KIAA0319L: variants seen among roughly 807,000 people sequenced by gnomAD.
KIAA0319L encodes KIAA0319 like.
In KIAA0319L, 55 loss-of-function variants were observed where a neutral mutation model predicts 120.1. The observed-to-expected ratio is 0.46, with a 90% CI of 0.37 to 0.57. The LOEUF (loss-of-function observed/expected upper bound fraction) is 0.57. KIAA0319L is among the 20% of genes least tolerant of loss of function. The pLI is 0.00. For missense variants in KIAA0319L, 1,049 were observed against 1,255.3 expected (o/e 0.84, Z 2.48); for synonymous variants, 398 against 471.9 (o/e 0.84, Z 2.03).
chr1:35,443,116 C>T (rs945677750), intron 17 of KIAA0319L, 88 bp from the exon 18 acceptor site: 6 of 1,509,572 alleles, frequency 4.0e-6, no homozygotes, highest in South Asian at 1.2e-5. Context: ...CACCAAAGCA[C>T]CCCAGATTAA....
At chr1:35,465,224 C>T (rs1643175561) in intron 7 of KIAA0319L, among the ~76,000 whole-genome samples, 1 of 152,208 alleles carries the variant, frequency 6.6e-6, no homozygotes, top group Admixed American at 6.5e-5. Flanking sequence ...ACACTCAACG[C>T]CAGGCTGTGA....
chr1:35,460,442 A>G lies in KIAA0319L; in HGVS notation c.1295-5T>C, dbSNP rs749466375. ...TTTTATCATCATCAGTGCTTTCTTG[A>G]CCATAAAGAAACATCAGTTACAACA... On this transcript the variant is annotated splice_polypyrimidine_tract_variant and splice_region_variant and intron_variant, in intron 8 of 20. Coordinates refer to ENST00000325722, the MANE Select transcript of KIAA0319L (RefSeq NM_024874.5). 6 of 1,611,128 alleles carry G rather than the reference A, an allele frequency of 3.7e-6. No homozygotes were observed.
chr1:35,512,804 G>A (rs1332551633), intron 2 of KIAA0319L, among the ~76,000 whole-genome samples: 2 of 150,206 alleles, frequency 1.3e-5, no homozygotes, highest in Non-Finnish European at 1.5e-5. Context: ...CCCAGGAGGT[G>A]GAGGTTGCAG....
chr1:35,463,290 G>A (rs537900653), intron 7 of KIAA0319L, among the ~76,000 whole-genome samples: 1 of 152,300 alleles, frequency 6.6e-6, no homozygotes, highest in South Asian at 2.1e-4. Flanking sequence ...CTAAGACCAT[G>A]CCCTGTGTAT....
rs56097702 is a variant in KIAA0319L at position 35,437,293 on chromosome 1, G to A, written c.2963-2212C>T. ...CCCTCCTGCCTCAGAAGAGGCATCT[G>A]AACTCCATGCTCCCTTTCTCTCCTC... On this transcript the variant is annotated intron_variant, in intron 20 of 20. Coordinates refer to ENST00000325722, the MANE Select transcript of KIAA0319L (RefSeq NM_024874.5). The surrounding 1 kb of genome is among the most constrained non-coding windows in gnomAD (Gnocchi z 4.1). 6.3e-3 allele frequency among the ~76,000 whole-genome samples: 952 copies of A among 152,182 alleles called. 7 individuals carry two copies. Among genetic ancestry groups the A allele is most frequent in the Non-Finnish European group, 0.01 (694 of 67,998 alleles).
At position 35,448,213 on chromosome 1, in the gene KIAA0319L, C is replaced by T. The variant is rs776404576; in HGVS notation, c.2473G>A (p.Asp825Asn). Residue 825 changes from aspartate to asparagine, a missense_variant, in exon 16 of 21, where the codon GAC becomes AAC. Transcript: ENST00000325722. ...IGVLLGVLDS[D>N]IIVQKIQPYT... ...GGCTGAATCTTTTGCACAATGATGT[C>T]GGAATCCAGCACCCCCAGGAGGACC... is the stretch of plus-strand genomic sequence containing the variant. 5.6e-6 allele frequency: 9 copies of T among 1,613,850 alleles called. No homozygotes were observed. In the South Asian group the frequency reaches 7.7e-5, roughly 14 times the overall value.
chr1:35,495,863 C>CAAAAAAA (rs200064916), intron 3 of KIAA0319L, among the ~76,000 whole-genome samples: 3 of 68,118 alleles, frequency 4.4e-5, no homozygotes, highest in Admixed American at 1.3e-4. Context: ...TAACACTCTA[C>CAAAAAAA]AAAAAAAAAA....
At position 35,542,124 on chromosome 1, in the gene KIAA0319L, G is replaced by A. The variant is rs149719864; in HGVS notation, c.142+12226C>T. On this transcript the variant is annotated intron_variant, in intron 2 of 20. Coordinates refer to ENST00000325722, the MANE Select transcript of KIAA0319L (RefSeq NM_024874.5). ...ACCCTCCTGCCTGCTGGGTCATCTG[G>A]CGGTTAGACAAGAATTTAACCATAT... Among the ~76,000 whole-genome samples the A allele has an allele frequency of 8.5e-5, 13 of 152,272 alleles. No homozygotes were observed. The East Asian group carries it at 1.5e-3, about 18-fold the overall frequency.
At position 35,442,352 on chromosome 1, in the gene KIAA0319L, A is replaced by G; in HGVS notation, c.2780-16T>C. 6.3e-7 allele frequency: 1 copy of G among 1,598,654 alleles called. No homozygotes were observed. The highest frequency in any genetic ancestry group is 8.6e-7 in the Non-Finnish European group (1 of 1,165,916). ...ACGCTCCACTCTGCCAAGAAAATCAAAATGGTGAGGGCTGTGGAGGGAGAG... is the reference window on the plus strand; with the variant it reads ...ACGCTCCACTCTGCCAAGAAAATCAGAATGGTGAGGGCTGTGGAGGGAGAG... On this transcript the variant is annotated splice_polypyrimidine_tract_variant and intron_variant, in intron 18 of 20. Coordinates refer to ENST00000325722, the MANE Select transcript of KIAA0319L (RefSeq NM_024874.5).
chr1:35,553,403 C>T (rs1255256859), intron 2 of KIAA0319L, among the ~76,000 whole-genome samples: 2 of 151,076 alleles, frequency 1.3e-5, no homozygotes, highest in African/African-American at 4.9e-5. Context: ...GTACAACTTC[C>T]ACTGCTATAA....
At chr1:35,514,206 A>G (rs1645585652) in intron 2 of KIAA0319L, among the ~76,000 whole-genome samples, 1 of 152,206 alleles carries the variant, frequency 6.6e-6, no homozygotes, top group Non-Finnish European at 1.5e-5. Flanking sequence ...TTTACAATGT[A>G]ACCCTAAGAG....
At chr1:35,477,519 T>C (rs1643944423) in intron 4 of KIAA0319L, among the ~76,000 whole-genome samples, 1 of 151,712 alleles carries the variant, frequency 6.6e-6, no homozygotes, top group Non-Finnish European at 1.5e-5. Context: ...TACAAAAAAT[T>C]AGCTGGGCGT....
At chr1:35,547,542 A>G (rs1647031171) in intron 2 of KIAA0319L, among the ~76,000 whole-genome samples, 1 of 152,200 alleles carries the variant, frequency 6.6e-6, no homozygotes, top group East Asian at 1.9e-4. Flanking sequence ...ATAAAGCAGA[A>G]TATTATTCAG....
Position 35,506,613 on chromosome 1 carries a change from T to A in KIAA0319L, c.665A>T (p.Glu222Val). Residue 222 changes from glutamate to valine, a missense_variant and splice_region_variant, in exon 3 of 21, where the codon GAG becomes GTG. By Grantham distance (121) the Glu-to-Val change is moderately radical. Coordinates refer to ENST00000325722, the MANE Select transcript of KIAA0319L (RefSeq NM_024874.5). This position sits in a 1 kb window ranked among gnomAD's most constrained non-coding sequence, Gnocchi z 4.0. ...LGGLTTSGSA[E>V]VHKAITISSP... Reference sequence around the variant, plus strand: ...GCTCCTTATTCATAGCATGCTTACCTCTGCAGAGCCACTGGTAGTCAGACC... The same window carrying A: ...GCTCCTTATTCATAGCATGCTTACCACTGCAGAGCCACTGGTAGTCAGACC... 1 of 1,610,198 alleles carries A rather than the reference T, an allele frequency of 6.2e-7. No individual in the cohort carries two copies. The highest frequency in any genetic ancestry group is 8.5e-7 in the Non-Finnish European group (1 of 1,177,848).
At chr1:35,486,735 T>TAAAAAAAA (rs1644400275) in intron 3 of KIAA0319L, among the ~76,000 whole-genome samples, 7 of 70,078 alleles carry the variant, frequency 1.0e-4, no homozygotes, top group East Asian at 5.4e-3. Context: ...ACCCCATTTC[T>TAAAAAAAA]ACAAAAAAAA....
intron 2 of KIAA0319L, among the ~76,000 whole-genome samples, chr1:35,518,977 CA>C (rs766877681): frequency 0.07 from 4,194 of 59,786 alleles, 126 homozygotes; most frequent in African/African-American, 0.2. Flanking sequence ...GACTCTGTCT[CA>C]AAAAAAAAAA....
chr1:35,478,923 T>C (rs189385482), intron 4 of KIAA0319L, 43 bp downstream of exon 4: 212 of 1,599,050 alleles, frequency 1.3e-4, no homozygotes, highest in Admixed American at 8.9e-4. Flanking sequence ...TTTGATCAAA[T>C]GTTCTACTTT....
Position 35,453,505 on chromosome 1 carries a change from CTT to C in KIAA0319L, c.1913+50_1913+51del. The C allele has an allele frequency of 6.3e-7, 1 of 1,582,942 alleles. No individual in the cohort carries two copies. Among genetic ancestry groups the C allele is most frequent in the South Asian group, 1.1e-5 (1 of 89,340 alleles). ...TCATAATAGCAAATAAAACCTTGCT[CTT>C]CCAAGGTCTGGAGGCTTTGCAAAAA... On this transcript the variant is annotated intron_variant, in intron 12 of 20. Transcript: ENST00000325722. The surrounding 1 kb of genome is among the most constrained non-coding windows in gnomAD (Gnocchi z 4.1).
chr1:35,482,268 G>A (rs1250540316), intron 3 of KIAA0319L, among the ~76,000 whole-genome samples: 2 of 152,016 alleles, frequency 1.3e-5, no homozygotes, highest in East Asian at 1.9e-4. Flanking sequence ...CAAACAAAAT[G>A]TTTTGTGTAT....
Sources: gnomAD v4.1 joint callset for allele counts (sites outside exome capture counted in the v4.1 genomes callset) on GRCh38, gnomAD v4.1.1 for gene constraint, Gnocchi (gnomAD v3.1) non-coding constraint, MANE v1.5 for transcripts, NCBI Gene and HGNC (gene_info 2026-07-23, HGNC 2026-07-21) for gene names.